Variants in COL15A1 observed in about 807,000 individuals in gnomAD.
COL15A1 encodes collagen type XV alpha 1 chain, also known as collagen alpha-1(XV) chain.
A neutral mutation model predicts 165.9 loss-of-function variants in COL15A1; 111 were observed. That is an observed-to-expected ratio of 0.67 (90% CI 0.57 to 0.78). The LOEUF (loss-of-function observed/expected upper bound fraction) is 0.78. Ranked by LOEUF, COL15A1 falls within the 30% of genes least tolerant of loss-of-function variation. The probability of loss-of-function intolerance (pLI) is 0.00; values close to 1 mark genes in which losing one functional copy is unlikely to be tolerated. For synonymous variants in COL15A1, 659 were observed against 674.8 expected, an observed-to-expected ratio of 0.98 and a Z score of 0.36; for missense variants, 1,745 against 1,789.7, an observed-to-expected ratio of 0.98 and a Z score of 0.45.
chr9:99,036,911 C>A (rs1264420872), intron 21 of COL15A1, among the ~76,000 whole-genome samples: 1 of 152,212 alleles, frequency 6.6e-6, no homozygotes, highest in Non-Finnish European at 1.5e-5. Context: ...CTGAGCTGGG[C>A]ATGCCCCTTG....
chr9:98,962,435 C>T (rs866906437), intron 2 of COL15A1, among the ~76,000 whole-genome samples: 23 of 152,288 alleles, frequency 1.5e-4, no homozygotes, highest in African/African-American at 5.1e-4. Flanking sequence ...TGTTTATTTC[C>T]TGGAGGATTT....
intron 2 of COL15A1, among the ~76,000 whole-genome samples, chr9:98,945,452 T>G (rs1837563662): frequency 6.6e-6 from 1 of 152,184 alleles, no homozygotes; most frequent in African/African-American, 2.4e-5. Context: ...CCCCCTCCCC[T>G]TTGAATTTGG....
intron 26 of COL15A1, 122 bp from the exon 27 acceptor site, chr9:99,047,664 C>A (rs1312896894): frequency 5.9e-6 from 6 of 1,012,422 alleles, no homozygotes; most frequent in African/African-American, 1.6e-5. Flanking sequence ...TGGCTCCCTG[C>A]CCTCCTTCCT....
At chr9:99,041,648 T>TCCCATC (rs1022655908) in intron 23 of COL15A1, among the ~76,000 whole-genome samples, 2 of 151,954 alleles carry the variant, frequency 1.3e-5, no homozygotes, top group African/African-American at 4.8e-5. Context: ...GGTACCTGGG[T>TCCCATC]CCCATCTCAT....
intron 26 of COL15A1, among the ~76,000 whole-genome samples, chr9:99,046,750 T>A (rs1204156983): frequency 6.6e-6 from 1 of 152,096 alleles, no homozygotes; most frequent in Non-Finnish European, 1.5e-5. Flanking sequence ...CATGCGGGGG[T>A]TGTGGAATTA....
chr9:99,056,556 T>C, intron 35 of COL15A1, 152 bp downstream of exon 35: 1 of 1,271,082 alleles, frequency 7.9e-7, no homozygotes, highest in Non-Finnish European at 1.0e-6. Flanking sequence ...AGATACAATT[T>C]GCACATCATA....
intron 2 of COL15A1, among the ~76,000 whole-genome samples, chr9:98,965,499 G>A (rs1837941781): frequency 6.6e-6 from 1 of 152,182 alleles, no homozygotes; most frequent in African/African-American, 2.4e-5. Context: ...GGGTTGGCCT[G>A]TTGTGAGATT....
intron 2 of COL15A1, among the ~76,000 whole-genome samples, chr9:98,985,199 A>G (rs1838287691): frequency 6.6e-6 from 1 of 152,224 alleles, no homozygotes; most frequent in South Asian, 2.1e-4. Flanking sequence ...GTCATGAACT[A>G]TTAGTGGGTT....
intron 31 of COL15A1, among the ~76,000 whole-genome samples, chr9:99,053,077 C>G (rs1426748494): frequency 2.0e-5 from 3 of 152,246 alleles, no homozygotes; most frequent in Admixed American, 6.5e-5. Context: ...TCAGCATATT[C>G]ATAGCCACAT....
chr9:99,032,864 G>A (rs1588524707), intron 16 of COL15A1, among the ~76,000 whole-genome samples: 1 of 152,254 alleles, frequency 6.6e-6, no homozygotes, highest in African/African-American at 2.4e-5. Flanking sequence ...TAATTTCCAA[G>A]ATCTCTAATT....
intron 9 of COL15A1, 24 bp from the exon 10 acceptor site, chr9:99,015,393 C>G (rs1838912244): frequency 4.4e-6 from 7 of 1,583,406 alleles, no homozygotes; most frequent in Non-Finnish European, 6.1e-6. Context: ...AGGGGCACAG[C>G]TCCTCATGCC....
At position 98,985,512 on chromosome 9, in the gene COL15A1, C is replaced by T. The variant is rs964444166; in HGVS notation, c.101-53C>T. 6 of 1,515,824 alleles carry T rather than the reference C, an allele frequency of 4.0e-6. No homozygotes were observed. The African/African-American group carries it at 5.5e-5, about 14-fold the overall frequency. The allele number at this position is 1,515,824 out of a possible 1,614,324, so 93.9% of individuals were successfully genotyped here. A position where few individuals can be genotyped will look rare whatever the true frequency, so the allele number is the denominator to read the frequency against. Reference sequence around the variant, plus strand: ...TGTGACTGCGTTTCTTCCTCATTTTCAAGCAAAGTGGAATATACCTGTAAA... The same window carrying T: ...TGTGACTGCGTTTCTTCCTCATTTTTAAGCAAAGTGGAATATACCTGTAAA... On this transcript the variant is annotated intron_variant, in intron 2 of 41. Coordinates refer to ENST00000375001, the MANE Select transcript of COL15A1 (RefSeq NM_001855.5).
At chr9:98,980,110 T>C (rs1320097222) in intron 2 of COL15A1, among the ~76,000 whole-genome samples, 2 of 151,800 alleles carry the variant, frequency 1.3e-5, no homozygotes, top group African/African-American at 4.8e-5. Context: ...CAGTGAGCTG[T>C]GATCATGCCA....
intron 5 of COL15A1, among the ~76,000 whole-genome samples, chr9:98,991,541 G>A (rs1324027390): frequency 6.6e-6 from 1 of 151,620 alleles, no homozygotes; most frequent in Non-Finnish European, 1.5e-5. Context: ...GTGCTGATTG[G>A]TGCATTTATA....
At chr9:99,061,199 T>C (rs1825809666) in intron 36 of COL15A1, among the ~76,000 whole-genome samples, 1 of 152,250 alleles carries the variant, frequency 6.6e-6, no homozygotes, top group Non-Finnish European at 1.5e-5. Flanking sequence ...AATTCTGATA[T>C]TTGGTTCCCT....
chr9:99,003,602 G>A lies in COL15A1; in HGVS notation c.1200+15G>A. ...GGGTCACTCCAGTAAGTAGCTCAGA[G>A]CGCAAGCTCCCCTTCACCTGTGTCT... On this transcript the variant is annotated intron_variant, in intron 8 of 41. Transcript: ENST00000375001. The A allele has an allele frequency of 1.4e-6, 2 of 1,465,420 alleles. No homozygotes were observed. Among genetic ancestry groups the A allele is most frequent in the East Asian group, 2.6e-5 (1 of 38,582 alleles). 90.8% of individuals were successfully genotyped at this position (1,465,420 alleles called of 1,614,324 possible).
Position 99,066,599 on chromosome 9 carries a change from G to GTTTTTTTTTTTTTTTTTTTTTTTT in COL15A1, c.3652-281_3652-258dup, listed in dbSNP as rs67961829. 3.5e-4 allele frequency among the ~76,000 whole-genome samples: 25 copies of GTTTTTTTTTTTTTTTTTTTTTTTT among 71,038 alleles called. 1 individual carries two copies. Among genetic ancestry groups the GTTTTTTTTTTTTTTTTTTTTTTTT allele is most frequent in the Non-Finnish European group, 5.6e-4 (20 of 35,720 alleles). The allele number at this position is 71,038 out of a possible 152,430, so 46.6% of individuals were successfully genotyped here. A position where few individuals can be genotyped will look rare whatever the true frequency, so the allele number is the denominator to read the frequency against. On this transcript the variant is annotated intron_variant, in intron 39 of 41. Coordinates refer to ENST00000375001, the MANE Select transcript of COL15A1 (RefSeq NM_001855.5). ...TTTGGTCCAAGCAATATTTTGTTCT[G>GTTTTTTTTTTTTTTTTTTTTTTTT]TTTTTTTTTTTTTTTTTTTTTTTTT... is the stretch of plus-strand genomic sequence containing the variant.
chr9:99,060,250 A>ATC (rs1263109367), intron 36 of COL15A1, among the ~76,000 whole-genome samples: 1 of 115,136 alleles, frequency 8.7e-6, no homozygotes, highest in African/African-American at 3.5e-5. Context: ...ATATATATAT[A>ATC]TATATATTTT....
intron 3 of COL15A1, chr9:98,986,433 C>T (rs541160594): frequency 1.1e-4 from 27 of 237,498 alleles, no homozygotes; most frequent in Non-Finnish European, 1.6e-4. Flanking sequence ...GCACTTTGTA[C>T]GTTTTAAGAT....
Sources: allele counts gnomAD v4.1 joint callset (sites outside exome capture counted in the v4.1 genomes callset), GRCh38; gene constraint gnomAD v4.1.1; transcripts MANE v1.5; gene names NCBI Gene and HGNC (gene_info 2026-07-23, HGNC 2026-07-21).